MARCHF1: variants seen among roughly 807,000 people sequenced by gnomAD.
MARCHF1 encodes E3 ubiquitin-protein ligase MARCHF1.
In MARCHF1, 40 loss-of-function variants were observed where a neutral mutation model predicts 54.2. The observed-to-expected ratio is 0.74, with a 90% CI of 0.57 to 0.96. The LOEUF (loss-of-function observed/expected upper bound fraction) is 0.96. MARCHF1 is among the 40% of genes least tolerant of loss of function. The probability of loss-of-function intolerance (pLI) is 0.00; values close to 1 mark genes in which losing one functional copy is unlikely to be tolerated. For missense variants in MARCHF1, 586 were observed against 656.5 expected, an observed-to-expected ratio of 0.89 and a Z score of 1.17; for synonymous variants, 236 against 236.3, an observed-to-expected ratio of 1.00 and a Z score of 0.01.
intron 1 of MARCHF1, among the ~76,000 whole-genome samples, chr4:164,185,923 C>T (rs1027518923): frequency 1.3e-5 from 2 of 152,098 alleles, no homozygotes; most frequent in Non-Finnish European, 1.5e-5. Context: ...GATGGAATCT[C>T]GCTCTTGTTA....
intron 1 of MARCHF1, among the ~76,000 whole-genome samples, chr4:164,247,480 A>G (rs1416738381): frequency 6.6e-6 from 1 of 151,678 alleles, no homozygotes; most frequent in African/African-American, 2.4e-5. Flanking sequence ...GAGGGGAGGG[A>G]TAGCATTGGG....
chr4:163,567,348 G>C (rs897450300), intron 8 of MARCHF1, among the ~76,000 whole-genome samples: 1 of 152,120 alleles, frequency 6.6e-6, no homozygotes, highest in Admixed American at 6.5e-5. Flanking sequence ...TTCTCTCCCT[G>C]AGTCAATGCT....
At chr4:163,580,863 C>T (rs182492365) in intron 8 of MARCHF1, among the ~76,000 whole-genome samples, 1,362 of 108,254 alleles carry the variant, frequency 0.013, 398 homozygotes, top group Admixed American at 0.021. Flanking sequence ...ACTGCAGTGG[C>T]GCAATCTCGG....
chr4:164,229,968 G>A (rs1053757924), intron 1 of MARCHF1, among the ~76,000 whole-genome samples: 1 of 152,066 alleles, frequency 6.6e-6, no homozygotes, highest in African/African-American at 2.4e-5. Context: ...ATTTGTGCAG[G>A]GACACAGATC....
intron 1 of MARCHF1, among the ~76,000 whole-genome samples, chr4:164,281,302 G>T (rs1258838857): frequency 2.0e-5 from 3 of 152,096 alleles, no homozygotes; most frequent in Non-Finnish European, 4.4e-5. Flanking sequence ...TCTAGGGTTG[G>T]ATATACAAAT....
chr4:164,266,359 T>C (rs915057921), intron 1 of MARCHF1, among the ~76,000 whole-genome samples: 4 of 152,208 alleles, frequency 2.6e-5, no homozygotes, highest in African/African-American at 7.2e-5. Flanking sequence ...TGAAATGACA[T>C]TGGAAAACAT....
chr4:164,341,126 C>A (rs1167245593), intron 1 of MARCHF1, among the ~76,000 whole-genome samples: 9 of 152,056 alleles, frequency 5.9e-5, no homozygotes, highest in Admixed American at 3.9e-4. Flanking sequence ...TAATAAAAAT[C>A]ATTTGATCAT....
intron 3 of MARCHF1, among the ~76,000 whole-genome samples, chr4:163,855,768 G>A (rs1749753677): frequency 6.6e-6 from 1 of 152,134 alleles, no homozygotes; most frequent in African/African-American, 2.4e-5. Flanking sequence ...GACACCATCA[G>A]TATCCATTCT....
rs151243164 is a variant in MARCHF1, at chr4:163,739,233, T to A, written c.112-38370A>T. ...GAGTGGTGAAGGGATTTTATACTCT[T>A]CCTCCCAAGTGGTATATTACAGAGA... On this transcript the variant is annotated intron_variant, in intron 4 of 9. Coordinates refer to ENST00000514618, the MANE Select transcript of MARCHF1 (RefSeq NM_001394959.1). 9.4e-3 allele frequency among the ~76,000 whole-genome samples: 1,436 copies of A among 152,242 alleles called. 29 individuals carry two copies. Among genetic ancestry groups the A allele is most frequent in the African/African-American group, 0.033 (1,370 of 41,542 alleles).
At chr4:163,877,322 C>A (rs1750310652) in intron 3 of MARCHF1, among the ~76,000 whole-genome samples, 4 of 152,058 alleles carry the variant, frequency 2.6e-5, no homozygotes, top group African/African-American at 9.7e-5. Context: ...AGGGTTTAGT[C>A]TTCTTCTCTG....
At chr4:164,196,395 G>A (rs1328034496) in intron 1 of MARCHF1, among the ~76,000 whole-genome samples, 1 of 151,614 alleles carries the variant, frequency 6.6e-6, no homozygotes, top group Non-Finnish European at 1.5e-5. Flanking sequence ...ATAAATCATT[G>A]TTTTAATAAA....
chr4:163,874,205 T>A (rs1480132315), intron 3 of MARCHF1, among the ~76,000 whole-genome samples: 1 of 152,170 alleles, frequency 6.6e-6, no homozygotes, highest in Non-Finnish European at 1.5e-5. Flanking sequence ...ACTCACAAAC[T>A]GCAACAGATA....
chr4:164,222,112 C>A (rs1732129925), intron 1 of MARCHF1, among the ~76,000 whole-genome samples: 1 of 151,882 alleles, frequency 6.6e-6, no homozygotes. Context: ...TTTCTAAGTG[C>A]CTTTCAAATT....
chr4:164,205,763 T>C (rs1434113116), intron 1 of MARCHF1, among the ~76,000 whole-genome samples: 1 of 152,186 alleles, frequency 6.6e-6, no homozygotes, highest in East Asian at 1.9e-4. Context: ...TTCTTGAATT[T>C]AATTTAACCT....
intron 3 of MARCHF1, among the ~76,000 whole-genome samples, chr4:163,970,483 G>A (rs6835716): frequency 6.6e-6 from 1 of 152,138 alleles, no homozygotes; most frequent in Non-Finnish European, 1.5e-5. Context: ...ACGGATGGGT[G>A]GATGAATGGA....
rs577734483 is a variant in MARCHF1 at position 164,158,857 on chromosome 4, C to T, written c.-322-47195G>A. On this transcript the variant is annotated intron_variant, in intron 1 of 9. Transcript: ENST00000514618. ...CCTCTATTCTTCCTTTTCTTCAAGG[C>T]GCAGTTTAAATGACATCTTCAGCAT... Among the ~76,000 whole-genome samples, 24 of 152,152 alleles carry T rather than the reference C, an allele frequency of 1.6e-4. No homozygotes were observed. In the East Asian group the frequency reaches 4.1e-3, roughly 26 times the overall value.
chr4:163,858,232 A>G (rs1749824144), intron 3 of MARCHF1, among the ~76,000 whole-genome samples: 1 of 152,044 alleles, frequency 6.6e-6, no homozygotes, highest in South Asian at 2.1e-4. Context: ...TGCTGGGCTG[A>G]TTTCTCCAAG....
intron 1 of MARCHF1, among the ~76,000 whole-genome samples, chr4:164,280,692 T>A (rs963332907): frequency 6.6e-6 from 1 of 152,128 alleles, no homozygotes; most frequent in Non-Finnish European, 1.5e-5. Flanking sequence ...ATGAGGCACT[T>A]TAAAAATGGA....
intron 4 of MARCHF1, among the ~76,000 whole-genome samples, chr4:163,837,573 C>A (rs1425110471): frequency 6.6e-6 from 1 of 151,396 alleles, no homozygotes; most frequent in African/African-American, 2.4e-5. Flanking sequence ...AGAAACAAAA[C>A]CATTAAAGAA....
Sources: allele counts gnomAD v4.1 joint callset (sites outside exome capture counted in the v4.1 genomes callset), GRCh38; gene constraint gnomAD v4.1.1; transcripts MANE v1.5; gene names NCBI Gene and HGNC (gene_info 2026-07-23, HGNC 2026-07-21).